The following SLC35F3 variants were observed in gnomAD, a reference collection of about 807,000 sequenced individuals.
The protein encoded by SLC35F3 is putative thiamine transporter SLC35F3.
In SLC35F3, 25 loss-of-function variants were observed where a neutral mutation model predicts 49.9. The observed-to-expected ratio is 0.50, with a 90% CI of 0.37 to 0.70. The LOEUF (loss-of-function observed/expected upper bound fraction) is 0.70, where lower values mean the gene tolerates loss of function less well. Ranked by LOEUF, SLC35F3 falls within the 30% of genes least tolerant of loss-of-function variation. The pLI, the probability that SLC35F3 is intolerant of heterozygous loss-of-function variation, is 0.00. For missense variants in SLC35F3, 525 were observed against 639.8 expected (o/e 0.82, Z 1.94); for synonymous variants, 275 against 265.4 (o/e 1.04, Z -0.35).
intron 2 of SLC35F3, among the ~76,000 whole-genome samples, chr1:233,948,789 A>G (rs1662558695): frequency 6.9e-6 from 1 of 144,430 alleles, no homozygotes; most frequent in East Asian, 2.0e-4. Context: ...TTCAGTTCCC[A>G]CCTATGAGTG....
At chr1:234,068,029 C>T (rs1426350798) in intron 2 of SLC35F3, among the ~76,000 whole-genome samples, 1 of 152,118 alleles carries the variant, frequency 6.6e-6, no homozygotes. Flanking sequence ...GAGAGCCTTC[C>T]AACTAAATGC....
intron 3 of SLC35F3, among the ~76,000 whole-genome samples, chr1:234,252,913 A>G (rs1209657705): frequency 6.6e-6 from 1 of 152,238 alleles, no homozygotes; most frequent in Non-Finnish European, 1.5e-5. Flanking sequence ...TGGACGATAA[A>G]GTTTGAACAT....
intron 2 of SLC35F3, among the ~76,000 whole-genome samples, chr1:234,087,804 A>G (rs1487825511): frequency 2.0e-5 from 3 of 152,170 alleles, no homozygotes; most frequent in East Asian, 1.9e-4. Context: ...TGTTACAGCC[A>G]TGGGGCTTCC....
rs1657289625 is a variant in SLC35F3 at position 234,309,232 on chromosome 1, C to A, written c.740C>A (p.Thr247Lys). The change falls in exon 4 of 8, where the codon ACG becomes AAG. Residue 247 changes from threonine (T) to lysine (K), a missense_variant. Thr to Lys is a moderately conservative substitution (Grantham distance 78). Around this residue, in one of 4 missense-constraint regions of SLC35F3, gnomAD observed 216 missense variants for 298.1 expected, o/e 0.72. Transcript: ENST00000366618. Reference sequence around the variant, plus strand: ...CATGCAATAAAGAAAATAAACACTACGGATGTCTCCGTGTTGTTCTGCTGC... The same window carrying A: ...CATGCAATAAAGAAAATAAACACTAAGGATGTCTCCGTGTTGTTCTGCTGC... ...YLHAIKKINTTDVSVLFCCNK... is the reference protein window; with the variant it reads ...YLHAIKKINTKDVSVLFCCNK... 2 of 1,614,178 alleles carry A rather than the reference C, an allele frequency of 1.2e-6. No individual in the cohort carries two copies. Among genetic ancestry groups the A allele is most frequent in the Non-Finnish European group, 1.7e-6 (2 of 1,180,022 alleles).
chr1:234,197,204 C>T (rs1020107777), intron 2 of SLC35F3, among the ~76,000 whole-genome samples: 1 of 152,116 alleles, frequency 6.6e-6, no homozygotes, highest in Non-Finnish European at 1.5e-5. Flanking sequence ...AAGTTAGGCT[C>T]CTACCCACTC....
intron 3 of SLC35F3, among the ~76,000 whole-genome samples, chr1:234,305,052 T>C (rs1275844790): frequency 6.6e-6 from 1 of 152,230 alleles, no homozygotes; most frequent in African/African-American, 2.4e-5. Context: ...GCTTGAAAAG[T>C]TTACTTTTCT....
intron 2 of SLC35F3, among the ~76,000 whole-genome samples, chr1:234,067,650 C>T (rs1170920651): frequency 3.3e-5 from 5 of 152,158 alleles, no homozygotes; most frequent in Non-Finnish European, 7.4e-5. Flanking sequence ...TAAGAAATCA[C>T]GTGGCAAAGA....
chr1:234,066,836 A>T (rs879378890), intron 2 of SLC35F3, among the ~76,000 whole-genome samples: 2,512 of 43,700 alleles, frequency 0.057, 61 homozygotes, highest in Admixed American at 0.14. Context: ...TCTCCCACAC[A>T]CACACACACA....
chr1:233,994,696 G>A (rs886192991), intron 2 of SLC35F3, among the ~76,000 whole-genome samples: 2 of 152,154 alleles, frequency 1.3e-5, no homozygotes, highest in Admixed American at 6.5e-5. Context: ...AGTATTTTAT[G>A]GAAATTAAGT....
At chr1:234,124,503 A>G (rs1665619879) in intron 2 of SLC35F3, among the ~76,000 whole-genome samples, 1 of 152,212 alleles carries the variant, frequency 6.6e-6, no homozygotes. Context: ...TTAGCACCAT[A>G]TATGTACTGA....
intron 3 of SLC35F3, among the ~76,000 whole-genome samples, chr1:234,303,032 G>A (rs1376966216): frequency 6.6e-6 from 1 of 151,988 alleles, no homozygotes; most frequent in African/African-American, 2.4e-5. Flanking sequence ...TACCAATTTA[G>A]CTAAATTAAA....
rs73098480 is a variant in SLC35F3, at chr1:233,976,202, C to T, written c.283+70444C>T. Among the ~76,000 whole-genome samples the T allele has an allele frequency of 6.7e-3, 1,021 of 152,242 alleles. 9 individuals carry two copies. Among genetic ancestry groups the T allele is most frequent in the African/African-American group, 0.023 (961 of 41,548 alleles). ...AGCCTGGCTCTTTATCATAAAGATACTATAGTCTCCTTGTAGAAAATTTTA... is the reference window on the plus strand; with the variant it reads ...AGCCTGGCTCTTTATCATAAAGATATTATAGTCTCCTTGTAGAAAATTTTA... On this transcript the variant is annotated intron_variant, in intron 2 of 7. Transcript: ENST00000366618.
At chr1:234,068,801 T>G in intron 2 of SLC35F3, among the ~76,000 whole-genome samples, 1 of 104,134 alleles carries the variant, frequency 9.6e-6, no homozygotes, top group Non-Finnish European at 1.8e-5. Context: ...AGCAGAGGAG[T>G]GACAGGATAA....
At chr1:234,131,803 CTG>C (rs1485747568) in intron 2 of SLC35F3, among the ~76,000 whole-genome samples, 1 of 152,196 alleles carries the variant, frequency 6.6e-6, no homozygotes, top group East Asian at 1.9e-4. Flanking sequence ...TGGCAGGTGA[CTG>C]TGTTTCTGGG....
intron 3 of SLC35F3, among the ~76,000 whole-genome samples, chr1:234,304,074 TCTTC>T (rs371955402): frequency 1.6e-3 from 37 of 22,972 alleles, no homozygotes; most frequent in East Asian, 6.5e-3. Flanking sequence ...TTCCTTCCTT[TCTTC>T]CTTCCTTCCT....
intron 3 of SLC35F3, among the ~76,000 whole-genome samples, chr1:234,268,274 G>C (rs1462952711): frequency 6.6e-6 from 1 of 152,114 alleles, no homozygotes; most frequent in African/African-American, 2.4e-5. Flanking sequence ...CCAACACAGC[G>C]AAACCCCGTC....
chr1:233,918,218 A>G (rs1662001988), intron 2 of SLC35F3, among the ~76,000 whole-genome samples: 1 of 152,206 alleles, frequency 6.6e-6, no homozygotes, highest in African/African-American at 2.4e-5. Context: ...ACCCAGGGCC[A>G]TGCCCTGGAT....
chr1:234,205,262 G>A (rs1270027040), intron 2 of SLC35F3, among the ~76,000 whole-genome samples: 2 of 152,152 alleles, frequency 1.3e-5, no homozygotes, highest in African/African-American at 4.8e-5. Context: ...TCCTGCCTTT[G>A]GGGAGTATTA....
At chr1:233,905,410 C>A in intron 1 of SLC35F3, 119 bp from the exon 2 acceptor site, 1 of 805,532 alleles carries the variant, frequency 1.2e-6, no homozygotes, top group South Asian at 1.8e-5. Context: ...CGGCGCTCGC[C>A]CCCGGAGGGC....
Sources: gnomAD v4.1 joint callset for allele counts (sites outside exome capture counted in the v4.1 genomes callset) on GRCh38, gnomAD v4.1.1 for gene constraint, gnomAD v4.1.1 regional missense constraint, MANE v1.5 for transcripts, NCBI Gene and HGNC (gene_info 2026-07-23, HGNC 2026-07-21) for gene names.